MACROD2: variants seen among roughly 807,000 people sequenced by gnomAD.
MACROD2 encodes the protein ADP-ribose glycohydrolase MACROD2.
A neutral mutation model predicts 70.4 loss-of-function variants in MACROD2; 36 were observed. The ratio of observed to expected loss-of-function variants is 0.51; its 90% CI spans 0.39 to 0.68. The LOEUF is 0.68. Among genes scored for constraint, MACROD2 ranks in the 30% least tolerant of loss-of-function variants. MACROD2 has a pLI of 0.00. For synonymous variants in MACROD2, 172 were observed against 178.8 expected, an observed-to-expected ratio of 0.96 and a Z score of 0.30; for missense variants, 496 against 538.4, an observed-to-expected ratio of 0.92 and a Z score of 0.78.
At chr20:14,840,033 C>CTTTTTTTTT (rs71190154) in intron 5 of MACROD2, among the ~76,000 whole-genome samples, 4 of 142,492 alleles carry the variant, frequency 2.8e-5, no homozygotes, top group African/African-American at 2.6e-5. Flanking sequence ...GTCTCCATGT[C>CTTTTTTTTT]TTTTTTTTTT....
intron 3 of MACROD2, among the ~76,000 whole-genome samples, chr20:14,289,512 A>T (rs894579437): frequency 6.6e-6 from 1 of 152,142 alleles, no homozygotes; most frequent in Admixed American, 6.5e-5. Context: ...AAAAACTAAC[A>T]TTGATTCAAT....
At chr20:14,951,330 A>G (rs182629566) in intron 5 of MACROD2, among the ~76,000 whole-genome samples, 101 of 152,242 alleles carry the variant, frequency 6.6e-4, no homozygotes, top group African/African-American at 2.2e-3. Context: ...GAAGCTGGTT[A>G]TGAGTAAGCC....
chr20:15,301,616 T>TTTTTTTTTTTTG (rs1320955401), intron 6 of MACROD2, among the ~76,000 whole-genome samples: 1 of 128,342 alleles, frequency 7.8e-6, no homozygotes, highest in Non-Finnish European at 1.6e-5. Flanking sequence ...TTTTTTTTTG[T>TTTTTTTTTTTTG]AGAGACAAGA....
intron 3 of MACROD2, among the ~76,000 whole-genome samples, chr20:14,406,821 T>G (rs987453158): frequency 1.3e-5 from 2 of 152,198 alleles, no homozygotes; most frequent in African/African-American, 4.8e-5. Flanking sequence ...ATATTAATCA[T>G]TGACATTTCA....
rs1163938747 is a variant in MACROD2, at chr20:14,461,246, G to A, written c.272-32233G>A. Among the ~76,000 whole-genome samples, 6 of 152,014 alleles carry A rather than the reference G, an allele frequency of 3.9e-5. No individual in the cohort carries two copies. In the East Asian group the frequency reaches 7.7e-4, roughly 20 times the overall value. On this transcript the variant is annotated intron_variant, in intron 3 of 17. Transcript: ENST00000684519. The stretch of plus-strand genomic sequence containing the variant: ...TTATAGTATTCTCTGATGGTAGTTT[G>A]TACTTCTGTGGGATCAGTGGTGATC...
At chr20:15,061,642 A>G (rs1462624614) in intron 5 of MACROD2, among the ~76,000 whole-genome samples, 1 of 152,202 alleles carries the variant, frequency 6.6e-6, no homozygotes, top group Non-Finnish European at 1.5e-5. Context: ...GCTCTTAGCC[A>G]GGGATGCTTC....
intron 6 of MACROD2, among the ~76,000 whole-genome samples, chr20:15,235,923 C>T (rs2077009837): frequency 6.6e-6 from 1 of 152,138 alleles, no homozygotes; most frequent in Middle Eastern, 3.2e-3. Context: ...AATATCTAGT[C>T]TTGGTTCTCA....
chr20:15,088,196 T>G (rs559172406), intron 5 of MACROD2, among the ~76,000 whole-genome samples: 46 of 151,630 alleles, frequency 3.0e-4, no homozygotes, highest in Middle Eastern at 3.4e-3. Flanking sequence ...TATATGAGGA[T>G]CAAAATGCAA....
At chr20:14,757,226 G>A (rs2071952996) in intron 5 of MACROD2, among the ~76,000 whole-genome samples, 1 of 151,986 alleles carries the variant, frequency 6.6e-6, no homozygotes, top group Admixed American at 6.5e-5. Flanking sequence ...CAAAGTTTTA[G>A]GAAAACATAG....
Position 15,259,354 on chromosome 20 carries a change from G to T in MACROD2, c.540+29293G>T, listed in dbSNP as rs560920644. 3.8e-3 allele frequency among the ~76,000 whole-genome samples: 573 copies of T among 152,048 alleles called. 2 individuals are homozygous for T. The highest frequency in any genetic ancestry group is 0.025 in the South Asian group (120 of 4,816). On this transcript the variant is annotated intron_variant, in intron 6 of 17. Transcript: ENST00000684519. The stretch of plus-strand genomic sequence containing the variant: ...ATTTCCAATAGGACAAAATGTGGGG[G>T]GAGCTGGCATAGGTAGAAGGAAGGC...
At chr20:14,171,402 T>G (rs1171245653) in intron 3 of MACROD2, among the ~76,000 whole-genome samples, 1 of 152,212 alleles carries the variant, frequency 6.6e-6, no homozygotes, top group Admixed American at 6.5e-5. Context: ...TGGTTTGTTC[T>G]TGTTTCTCTA....
chr20:14,343,281 A>G (rs950872657), intron 3 of MACROD2, among the ~76,000 whole-genome samples: 1 of 151,910 alleles, frequency 6.6e-6, no homozygotes, highest in African/African-American at 2.4e-5. Context: ...AAAAAATGAG[A>G]GACTTGGAGG....
At chr20:14,996,911 T>C (rs887811918) in intron 5 of MACROD2, among the ~76,000 whole-genome samples, 1 of 152,176 alleles carries the variant, frequency 6.6e-6, no homozygotes, top group African/African-American at 2.4e-5. Flanking sequence ...CTAGACTGCC[T>C]TTCAGATAAA....
chr20:15,386,953 TC>T (rs869180167), intron 6 of MACROD2, among the ~76,000 whole-genome samples: 6 of 152,086 alleles, frequency 3.9e-5, no homozygotes, highest in African/African-American at 1.4e-4. Context: ...AATCCTTTTT[TC>T]CCCCTTTCCC....
chr20:14,875,108 C>T lies in MACROD2; in HGVS notation c.418+190149C>T, dbSNP rs184843072. On this transcript the variant is annotated intron_variant, in intron 5 of 17. Transcript: ENST00000684519. ...TTTAGAAAAGACTATTTGGGCTGGG[C>T]GCAGTGGCTCATGCCTGTAATCCTA... Among the ~76,000 whole-genome samples, 673 of 151,934 alleles carry T rather than the reference C, an allele frequency of 4.4e-3. 6 individuals carry two copies. The highest frequency in any genetic ancestry group is 0.015 in the African/African-American group (627 of 41,426).
At chr20:14,097,841 T>G (rs1162820685) in intron 3 of MACROD2, among the ~76,000 whole-genome samples, 5 of 152,216 alleles carry the variant, frequency 3.3e-5, no homozygotes, top group East Asian at 1.9e-4. Context: ...GAAGGTATTT[T>G]TATACAATAT....
Position 15,903,806 on chromosome 20 carries a change from T to C in MACROD2, c.775+17995T>C, listed in dbSNP as rs142064994. On this transcript the variant is annotated intron_variant, in intron 10 of 17. Coordinates refer to ENST00000684519, the MANE Select transcript of MACROD2 (RefSeq NM_001351661.2). ...TTATTGTGTTGAGAATAGACTGGGC[T>C]AAGGGAAGAAACAGGAAAGAGTTTA... Among the ~76,000 whole-genome samples the C allele has an allele frequency of 8.5e-5, 13 of 152,260 alleles. No individual in the cohort carries two copies. In the East Asian group the frequency reaches 2.3e-3, roughly 27 times the overall value.
chr20:14,415,295 T>C (rs896380500), intron 3 of MACROD2, among the ~76,000 whole-genome samples: 2 of 151,636 alleles, frequency 1.3e-5, no homozygotes, highest in Admixed American at 6.6e-5. Flanking sequence ...AGAAATCTTT[T>C]TACTGCCAAC....
At chr20:15,517,853 A>G (rs1233397975) in intron 8 of MACROD2, among the ~76,000 whole-genome samples, 1 of 152,244 alleles carries the variant, frequency 6.6e-6, no homozygotes, top group Non-Finnish European at 1.5e-5. Context: ...TGAAGAACTC[A>G]TAGTCTTAAC....
Sources: allele counts gnomAD v4.1 joint callset (sites outside exome capture counted in the v4.1 genomes callset), GRCh38; gene constraint gnomAD v4.1.1; transcripts MANE v1.5; gene names NCBI Gene and HGNC (gene_info 2026-07-23, HGNC 2026-07-21).